Variants in EPB41L5 observed in about 807,000 individuals in gnomAD.
EPB41L5 encodes the protein erythrocyte membrane protein band 4.1 like 5.
EPB41L5 carries 55 observed loss-of-function variants against 106.6 expected under a neutral mutation model. The ratio of observed to expected loss-of-function variants is 0.52; its 90% CI spans 0.42 to 0.65. EPB41L5 has a LOEUF of 0.65. EPB41L5 is among the 30% of genes least tolerant of loss of function. The pLI, the probability that EPB41L5 is intolerant of heterozygous loss-of-function variation, is 0.00. For synonymous variants in EPB41L5, 297 were observed against 306.7 expected (o/e 0.97, Z 0.33); for missense variants, 871 against 882.1 (o/e 0.99, Z 0.16).
intron 3 of EPB41L5, among the ~76,000 whole-genome samples, chr2:120,055,341 C>G (rs538351696): frequency 6.6e-6 from 1 of 152,108 alleles, no homozygotes; most frequent in East Asian, 1.9e-4. Context: ...GTCAGCTTAT[C>G]CATTTATGCA....
chr2:120,082,535 G>A (rs538993148), intron 10 of EPB41L5, among the ~76,000 whole-genome samples: 50 of 152,148 alleles, frequency 3.3e-4, no homozygotes, highest in Non-Finnish European at 5.6e-4. Flanking sequence ...TTTTTGCATC[G>A]ATGTTCATCA....
At chr2:120,057,032 G>A (rs1354507053) in intron 3 of EPB41L5, among the ~76,000 whole-genome samples, 2 of 152,166 alleles carry the variant, frequency 1.3e-5, no homozygotes, top group African/African-American at 4.8e-5. Flanking sequence ...GAGTAGTGGG[G>A]GCTATAGGCA....
chr2:120,105,294 T>C (rs1684384548), intron 16 of EPB41L5: 1 of 964,056 alleles, frequency 1.0e-6, no homozygotes, highest in Non-Finnish European at 1.2e-6. Context: ...TAGAAAAATT[T>C]TCAAATTTTT....
chr2:120,044,726 CATA>C lies in EPB41L5; in HGVS notation c.285+2624_285+2626del, dbSNP rs373514456. ...GATACACATATAGTGCCTTTCTTGT[CATA>C]ATAATAAATTTTTGGTAAAGCCAGG... On this transcript the variant is annotated intron_variant, in intron 3 of 24. Coordinates refer to ENST00000263713, the MANE Select transcript of EPB41L5 (RefSeq NM_020909.4). Among the ~76,000 whole-genome samples, 795 of 152,146 alleles carry C rather than the reference CATA, an allele frequency of 5.2e-3. 4 individuals carry two copies. The highest frequency in any genetic ancestry group is 0.018 in the African/African-American group (763 of 41,528).
chr2:120,050,077 C>G (rs1680119387), intron 3 of EPB41L5, among the ~76,000 whole-genome samples: 1 of 152,200 alleles, frequency 6.6e-6, no homozygotes, highest in South Asian at 2.1e-4. Context: ...CCTGACCTTT[C>G]TCTCTGGCTG....
chr2:120,144,848 G>A (rs1393754958), intron 19 of EPB41L5, among the ~76,000 whole-genome samples: 1 of 152,034 alleles, frequency 6.6e-6, no homozygotes, highest in Non-Finnish European at 1.5e-5. Context: ...GGAAAATGTT[G>A]GTTTATCATT....
chr2:120,034,089 G>C (rs1353522779), intron 2 of EPB41L5, among the ~76,000 whole-genome samples: 3 of 152,182 alleles, frequency 2.0e-5, no homozygotes, highest in Non-Finnish European at 2.9e-5. Flanking sequence ...GAGTTGTCCT[G>C]TCTGAAAAAA....
At chr2:120,162,736 A>AC (rs1687189098) in intron 21 of EPB41L5, among the ~76,000 whole-genome samples, 1 of 152,238 alleles carries the variant, frequency 6.6e-6, no homozygotes. Flanking sequence ...AATGAATGAA[A>AC]CATGGTCTCA....
At chr2:120,045,641 A>G (rs186775455) in intron 3 of EPB41L5, among the ~76,000 whole-genome samples, 3 of 152,168 alleles carry the variant, frequency 2.0e-5, no homozygotes, top group Non-Finnish European at 4.4e-5. Context: ...ATCCCACAGA[A>G]TCATGCTTTG....
chr2:120,111,525 G>A (rs1468984679), intron 16 of EPB41L5, among the ~76,000 whole-genome samples: 3 of 152,128 alleles, frequency 2.0e-5, no homozygotes, highest in African/African-American at 7.2e-5. Context: ...CACTGACTTA[G>A]ACCAGAGCAC....
At chr2:120,091,031 A>G (rs946652221) in intron 12 of EPB41L5, among the ~76,000 whole-genome samples, 1 of 152,194 alleles carries the variant, frequency 6.6e-6, no homozygotes, top group Non-Finnish European at 1.5e-5. Context: ...GGATTGTACC[A>G]ATAATGTGGC....
At position 120,164,923 on chromosome 2, in the gene EPB41L5, T is replaced by C. The variant is rs1687323315; in HGVS notation, c.1962+13T>C. ...AGTTGCACCTCAGGTAAATATGCTT[T>C]AAAATAGTATGATGGAAAGAAATTT... On this transcript the variant is annotated intron_variant, in intron 22 of 24. Transcript: ENST00000263713. The C allele has an allele frequency of 6.4e-7, 1 of 1,571,782 alleles. No individual in the cohort carries two copies. Among genetic ancestry groups the C allele is most frequent in the African/African-American group, 1.4e-5 (1 of 73,164 alleles).
intron 20 of EPB41L5, 155 bp from the exon 21 acceptor site, chr2:120,160,726 G>A: frequency 1.7e-6 from 1 of 599,822 alleles, no homozygotes; most frequent in South Asian, 2.2e-5. Flanking sequence ...TCTCATCATA[G>A]TTTGGATTTA....
At chr2:120,125,331 A>G (rs928328790) in intron 16 of EPB41L5, among the ~76,000 whole-genome samples, 10 of 152,164 alleles carry the variant, frequency 6.6e-5, no homozygotes, top group Admixed American at 3.3e-4. Flanking sequence ...CGCTTGTCCA[A>G]CTGCCGGCCT....
chr2:120,036,951 C>G (rs946732223), intron 2 of EPB41L5, among the ~76,000 whole-genome samples: 22 of 152,074 alleles, frequency 1.4e-4, no homozygotes, highest in African/African-American at 5.3e-4. Context: ...GCTGTTGCCA[C>G]TTTTGTTCAA....
chr2:120,132,880 G>T (rs1713072), intron 18 of EPB41L5, among the ~76,000 whole-genome samples: 37,043 of 151,860 alleles, frequency 0.24, 4,777 homozygotes, highest in South Asian at 0.35. Context: ...AGGGAGGAGT[G>T]GGGGGCGGGG....
chr2:120,111,390 C>T (rs1328899177), intron 16 of EPB41L5, among the ~76,000 whole-genome samples: 3 of 152,098 alleles, frequency 2.0e-5, no homozygotes, highest in Admixed American at 6.5e-5. Context: ...TTCTCTTTTT[C>T]GTGTTGCTAA....
intron 16 of EPB41L5, chr2:120,106,660 C>T (rs1684469786): frequency 1.0e-6 from 1 of 984,378 alleles, no homozygotes; most frequent in African/African-American, 1.7e-5. Flanking sequence ...ATTAATTTAA[C>T]ATCTTGAATT....
At chr2:120,088,978 C>T (rs1683239344) in intron 11 of EPB41L5, among the ~76,000 whole-genome samples, 1 of 152,136 alleles carries the variant, frequency 6.6e-6, no homozygotes, top group Admixed American at 6.6e-5. Context: ...AATTCTCTGT[C>T]AGATATTAGT....
Sources: gnomAD v4.1 joint callset for allele counts (sites outside exome capture counted in the v4.1 genomes callset) on GRCh38, gnomAD v4.1.1 for gene constraint, MANE v1.5 for transcripts, NCBI Gene and HGNC (gene_info 2026-07-23, HGNC 2026-07-21) for gene names.